Variants in UBE2E1 observed in about 807,000 individuals in gnomAD.
UBE2E1 encodes the protein ubiquitin conjugating enzyme E2 E1.
UBE2E1 carries 6 observed loss-of-function variants against 21.4 expected under a neutral mutation model. The observed-to-expected ratio is 0.28, with a 90% CI of 0.15 to 0.55. The LOEUF is 0.55. UBE2E1 is among the 20% of genes least tolerant of loss of function. The pLI is 0.93. For missense variants in UBE2E1, 142 were observed against 236.5 expected (o/e 0.60, Z 2.62); for synonymous variants, 87 against 82.7 (o/e 1.05, Z -0.28).
At chr3:23,818,186 A>G (rs1469484752) in intron 3 of UBE2E1, among the ~76,000 whole-genome samples, 2 of 152,204 alleles carry the variant, frequency 1.3e-5, no homozygotes, top group African/African-American at 2.4e-5. Context: ...ATTAACAGAA[A>G]TAAATAAGGC....
intron 3 of UBE2E1, among the ~76,000 whole-genome samples, chr3:23,820,088 G>A (rs975450439): frequency 6.6e-6 from 1 of 152,170 alleles, no homozygotes; most frequent in Non-Finnish European, 1.5e-5. Flanking sequence ...AGCTATTCCA[G>A]ATAGTTGGTT....
In UBE2E1 at chr3:23,808,455, C is replaced by A. The variant is rs765611645; in HGVS notation, c.152+1034C>A. On this transcript the variant is annotated intron_variant, in intron 2 of 5. Transcript: ENST00000306627. The surrounding 1 kb of genome is among the most constrained non-coding windows in gnomAD (Gnocchi z 4.9). ...AACTCCAAATGATGGGATAGGGATA[C>A]CCTTCTTAAAAATTTTTAAAATAAA... Among the ~76,000 whole-genome samples, 1 of 152,112 alleles carries A rather than the reference C, an allele frequency of 6.6e-6. No individual in the cohort carries two copies. Among genetic ancestry groups the A allele is most frequent in the Non-Finnish European group, 1.5e-5 (1 of 68,026 alleles).
intron 3 of UBE2E1, among the ~76,000 whole-genome samples, chr3:23,858,928 T>A (rs1338794583): frequency 6.6e-6 from 1 of 152,230 alleles, no homozygotes; most frequent in Admixed American, 6.5e-5. Flanking sequence ...TGAGCTCGTC[T>A]TTAACAATTT....
rs149180776 is a variant in UBE2E1 at position 23,838,104 on chromosome 3, G to A, written c.203+26594G>A. Reference sequence around the variant, plus strand: ...TTTTTTTGAGACAAGGTCTTGTTCTGTTGCCCAGGCTATAGTGCAGTGGCA... The same window carrying A: ...TTTTTTTGAGACAAGGTCTTGTTCTATTGCCCAGGCTATAGTGCAGTGGCA... On this transcript the variant is annotated intron_variant, in intron 3 of 5. Coordinates refer to ENST00000306627, the MANE Select transcript of UBE2E1 (RefSeq NM_003341.5). 3.2e-3 allele frequency among the ~76,000 whole-genome samples: 492 copies of A among 151,712 alleles called. 2 individuals carry two copies. Among genetic ancestry groups the A allele is most frequent in the African/African-American group, 0.011 (464 of 41,318 alleles).
intron 3 of UBE2E1, among the ~76,000 whole-genome samples, chr3:23,866,749 A>G (rs77454036): frequency 6.6e-6 from 1 of 152,244 alleles, no homozygotes; most frequent in Non-Finnish European, 1.5e-5. Flanking sequence ...TCTGCAAATA[A>G]AGTGATTTAA....
intron 3 of UBE2E1, among the ~76,000 whole-genome samples, chr3:23,882,747 A>T (rs1575040289): frequency 6.6e-6 from 1 of 152,256 alleles, no homozygotes; most frequent in African/African-American, 2.4e-5. Flanking sequence ...CTGCTGGGGG[A>T]CCAGGCGCAC....
At chr3:23,868,882 G>A (rs1700715316) in intron 3 of UBE2E1, among the ~76,000 whole-genome samples, 2 of 151,938 alleles carry the variant, frequency 1.3e-5, no homozygotes, top group Non-Finnish European at 2.9e-5. Flanking sequence ...AATCCTTCTG[G>A]ATTTCTTTCC....
chr3:23,865,521 T>C (rs1700638710), intron 3 of UBE2E1, among the ~76,000 whole-genome samples: 1 of 151,918 alleles, frequency 6.6e-6, no homozygotes, highest in South Asian at 2.1e-4. Context: ...TGCCCGGCTG[T>C]GTTTTGTATT....
intron 3 of UBE2E1, among the ~76,000 whole-genome samples, chr3:23,831,577 T>C (rs533090859): frequency 6.6e-6 from 1 of 150,544 alleles, no homozygotes; most frequent in South Asian, 2.1e-4. Flanking sequence ...AGTGCAGTGG[T>C]GTGATCACAG....
chr3:23,864,528 C>G (rs897451067), intron 3 of UBE2E1, among the ~76,000 whole-genome samples: 1 of 152,042 alleles, frequency 6.6e-6, no homozygotes, highest in African/African-American at 2.4e-5. Context: ...TTTTTGAAAT[C>G]TTTTGTTTGC....
chr3:23,867,395 CTT>C (rs942616854), intron 3 of UBE2E1, among the ~76,000 whole-genome samples: 3 of 152,164 alleles, frequency 2.0e-5, no homozygotes, highest in African/African-American at 7.2e-5. Context: ...TGAGTTCAAA[CTT>C]TGGTTTTGCT....
chr3:23,890,089 G>A (rs1298257793), intron 5 of UBE2E1, among the ~76,000 whole-genome samples: 1 of 152,134 alleles, frequency 6.6e-6, no homozygotes, highest in Non-Finnish European at 1.5e-5. Context: ...CACTGCAACA[G>A]CCCCGAAGAC....
intron 3 of UBE2E1, among the ~76,000 whole-genome samples, chr3:23,849,699 A>G (rs2125306351): frequency 6.6e-6 from 1 of 152,210 alleles, no homozygotes; most frequent in Non-Finnish European, 1.5e-5. Flanking sequence ...ATTCTTTTTT[A>G]TGGCTGCATA....
intron 3 of UBE2E1, among the ~76,000 whole-genome samples, chr3:23,867,201 C>T (rs188764067): frequency 2.0e-5 from 3 of 151,690 alleles, no homozygotes; most frequent in Non-Finnish European, 4.4e-5. Flanking sequence ...TTTCCTGATT[C>T]AAAGATTCTA....
chr3:23,832,245 T>A (rs1699883227), intron 3 of UBE2E1, among the ~76,000 whole-genome samples: 1 of 152,218 alleles, frequency 6.6e-6, no homozygotes, highest in African/African-American at 2.4e-5. Flanking sequence ...GTCCAGGGAA[T>A]GGCTTGGACA....
intron 3 of UBE2E1, among the ~76,000 whole-genome samples, chr3:23,817,394 C>G (rs1295719831): frequency 6.9e-6 from 1 of 145,548 alleles, no homozygotes; most frequent in Non-Finnish European, 1.5e-5. Flanking sequence ...TGCACTCCAG[C>G]CTGGTTGACA....
At chr3:23,889,324 G>C in intron 5 of UBE2E1, 65 bp downstream of exon 5, 2 of 1,605,818 alleles carry the variant, frequency 1.2e-6, no homozygotes, top group Non-Finnish European at 1.7e-6. Flanking sequence ...GTTTCCAAAA[G>C]CTTTCAAAGG....
chr3:23,878,424 T>C (rs1700965190), intron 3 of UBE2E1, among the ~76,000 whole-genome samples: 1 of 152,200 alleles, frequency 6.6e-6, no homozygotes, highest in Non-Finnish European at 1.5e-5. Context: ...TTGTCTCAAG[T>C]CCTTCCTTTA....
chr3:23,838,746 C>T (rs891960102), intron 3 of UBE2E1, among the ~76,000 whole-genome samples: 1 of 152,204 alleles, frequency 6.6e-6, no homozygotes, highest in African/African-American at 2.4e-5. Flanking sequence ...ATCTGCCTGC[C>T]TCGGCCTCCC....
Sources: gnomAD v4.1 joint callset for allele counts (sites outside exome capture counted in the v4.1 genomes callset) on GRCh38, gnomAD v4.1.1 for gene constraint, Gnocchi (gnomAD v3.1) non-coding constraint, MANE v1.5 for transcripts, NCBI Gene and HGNC (gene_info 2026-07-23, HGNC 2026-07-21) for gene names.